SLC2A9: variants seen among roughly 807,000 people sequenced by gnomAD.
SLC2A9 encodes solute carrier family 2 member 9, also known as solute carrier family 2, facilitated glucose transporter member 9.
SLC2A9 carries 39 observed loss-of-function variants against 50.6 expected under a neutral mutation model. The ratio of observed to expected loss-of-function variants is 0.77; its 90% CI spans 0.60 to 1.01. SLC2A9 has a LOEUF of 1.01. SLC2A9 is among the 50% of genes least tolerant of loss of function. SLC2A9 has a pLI of 0.00. For missense variants in SLC2A9, 686 were observed against 677.6 expected, an observed-to-expected ratio of 1.01 and a Z score of -0.14; for synonymous variants, 324 against 276.9, an observed-to-expected ratio of 1.17 and a Z score of -1.69.
chr4:9,815,016 G>A (rs1723382180), intron 3 of SLC2A9, among the ~76,000 whole-genome samples: 1 of 152,122 alleles, frequency 6.6e-6, no homozygotes, highest in Non-Finnish European at 1.5e-5. Context: ...GTAGTGATAG[G>A]AACACTAAAC....
intron 8 of SLC2A9, among the ~76,000 whole-genome samples, chr4:9,899,543 G>A (rs954664234): frequency 3.3e-5 from 5 of 152,212 alleles, no homozygotes; most frequent in Non-Finnish European, 7.3e-5. Context: ...TCAGAGGACA[G>A]AGTGCCAGAA....
intron 1 of SLC2A9, among the ~76,000 whole-genome samples, chr4:10,026,724 C>G (rs1003293564): frequency 1.3e-5 from 2 of 152,160 alleles, no homozygotes; most frequent in African/African-American, 4.8e-5. Flanking sequence ...ATGAATGCAC[C>G]TTGAAAACAT....
chr4:9,870,462 T>C (rs1488949660), intron 10 of SLC2A9, among the ~76,000 whole-genome samples: 1 of 152,286 alleles, frequency 6.6e-6, no homozygotes, highest in South Asian at 2.1e-4. Flanking sequence ...TTTTCTACAT[T>C]TCTGTTGAAA....
chr4:9,965,783 T>C (rs1365143739), intron 5 of SLC2A9, among the ~76,000 whole-genome samples: 1 of 152,242 alleles, frequency 6.6e-6, no homozygotes, highest in Non-Finnish European at 1.5e-5. Flanking sequence ...ATTTATATAG[T>C]TGTATGCTAA....
chr4:9,990,713 T>C (rs1186033644), intron 3 of SLC2A9, among the ~76,000 whole-genome samples: 1 of 152,178 alleles, frequency 6.6e-6, no homozygotes, highest in Admixed American at 6.5e-5. Flanking sequence ...ATGTGTTGAC[T>C]CTTTGTTTTA....
At chr4:10,018,667 T>C (rs1408723830) in intron 2 of SLC2A9, among the ~76,000 whole-genome samples, 3 of 152,104 alleles carry the variant, frequency 2.0e-5, no homozygotes, top group Non-Finnish European at 4.4e-5. Context: ...TCCCCGGCAT[T>C]AGGGGCCAGA....
intron 10 of SLC2A9, among the ~76,000 whole-genome samples, chr4:9,861,682 G>A (rs1338012320): frequency 6.9e-6 from 1 of 145,902 alleles, no homozygotes; most frequent in Non-Finnish European, 1.5e-5. Flanking sequence ...TCTGGTATAG[G>A]GGCTCAATAA....
At chr4:9,921,106 A>G (rs975328534) in intron 6 of SLC2A9, among the ~76,000 whole-genome samples, 1 of 152,176 alleles carries the variant, frequency 6.6e-6, no homozygotes, top group Admixed American at 6.5e-5. Flanking sequence ...GATGCCCTGC[A>G]GTCCATGCTA....
upstream of SLC2A9, chr4:10,025,971 C>T (rs1291673573): frequency 3.1e-6 from 5 of 1,613,872 alleles, no homozygotes; most frequent in Middle Eastern, 1.6e-4. Flanking sequence ...CTTCATGGTT[C>T]ACTTTTCAGG....
At chr4:9,946,263 T>C (rs539458720) in intron 5 of SLC2A9, among the ~76,000 whole-genome samples, 14 of 152,254 alleles carry the variant, frequency 9.2e-5, no homozygotes, top group African/African-American at 3.4e-4. Context: ...ATCTTGTTCT[T>C]TAATCTGCAG....
intron 3 of SLC2A9, chr4:9,782,634 C>T: frequency 6.2e-7 from 1 of 1,613,990 alleles, no homozygotes; most frequent in Non-Finnish European, 8.5e-7. Flanking sequence ...AACTGGACGC[C>T]CTGGGAGGAG....
At chr4:9,899,163 T>C (rs1739141345) in intron 8 of SLC2A9, among the ~76,000 whole-genome samples, 1 of 152,218 alleles carries the variant, frequency 6.6e-6, no homozygotes, top group African/African-American at 2.4e-5. Flanking sequence ...CCCGCAGGCA[T>C]CCCAAACAGC....
downstream of SLC2A9, among the ~76,000 whole-genome samples, chr4:9,825,950 C>T (rs1027650808): frequency 7.9e-5 from 12 of 152,206 alleles, no homozygotes; most frequent in Non-Finnish European, 1.3e-4. Flanking sequence ...GAGGGCAGGT[C>T]AAGGCTGCTT....
chr4:9,980,831 G>A (rs1755618549), intron 4 of SLC2A9, 94 bp from the exon 5 acceptor site: 5 of 1,548,364 alleles, frequency 3.2e-6, no homozygotes, highest in Middle Eastern at 1.7e-4. Context: ...GCTTTGCCCT[G>A]GACATTAAAT....
intron 10 of SLC2A9, 51 bp downstream of exon 10, chr4:9,887,516 G>C: frequency 6.6e-7 from 1 of 1,517,534 alleles, no homozygotes; most frequent in South Asian, 1.2e-5. Context: ...CCCCAGCTTG[G>C]TGATGCCATG....
At chr4:9,955,281 A>G (rs1751032143) in intron 5 of SLC2A9, among the ~76,000 whole-genome samples, 1 of 45,146 alleles carries the variant, frequency 2.2e-5, no homozygotes. Context: ...TCACGAGGTC[A>G]GGAGATCGAG....
chr4:9,931,207 C>T (rs987380999), intron 6 of SLC2A9, among the ~76,000 whole-genome samples: 3 of 152,196 alleles, frequency 2.0e-5, no homozygotes, highest in South Asian at 4.1e-4. Context: ...AATGCATGTT[C>T]CCCACATTCT....
chr4:9,814,563 T>C (rs1723324172), intron 3 of SLC2A9, among the ~76,000 whole-genome samples: 1 of 152,192 alleles, frequency 6.6e-6, no homozygotes, highest in Non-Finnish European at 1.5e-5. Context: ...TGTGAATTGA[T>C]TGTGTTCTTC....
intron 2 of SLC2A9, among the ~76,000 whole-genome samples, chr4:10,006,909 C>T (rs193174540): frequency 2.6e-4 from 40 of 152,164 alleles, no homozygotes; most frequent in Admixed American, 2.4e-3. Context: ...AAACCCTGGA[C>T]TCCAAGTCTC....
Sources: gnomAD v4.1 joint callset for allele counts (sites outside exome capture counted in the v4.1 genomes callset) on GRCh38, gnomAD v4.1.1 for gene constraint, MANE v1.5 for transcripts, NCBI Gene and HGNC (gene_info 2026-07-23, HGNC 2026-07-21) for gene names.